Variants in ST7 observed in about 807,000 individuals in gnomAD.
The protein encoded by ST7 is suppressor of tumorigenicity 7 protein.
ST7 carries 28 observed loss-of-function variants against 78.7 expected under a neutral mutation model. That is an observed-to-expected ratio of 0.36 (90% CI 0.26 to 0.49). The LOEUF is 0.49. ST7 is among the 20% of genes least tolerant of loss of function. The pLI, the probability that ST7 is intolerant of heterozygous loss-of-function variation, is 0.99. For synonymous variants in ST7, 247 were observed against 249.6 expected, an observed-to-expected ratio of 0.99 and a Z score of 0.10; for missense variants, 418 against 696.0, an observed-to-expected ratio of 0.60 and a Z score of 4.49.
intron 12 of ST7, among the ~76,000 whole-genome samples, chr7:117,205,124 T>TA (rs1205177370): frequency 6.6e-6 from 1 of 152,168 alleles, no homozygotes; most frequent in African/African-American, 2.4e-5. Context: ...CAAAAGAAGT[T>TA]AATCTCCCAT....
intron 1 of ST7, among the ~76,000 whole-genome samples, chr7:116,961,936 C>G (rs985813833): frequency 6.6e-6 from 1 of 151,254 alleles, no homozygotes; most frequent in Non-Finnish European, 1.5e-5. Flanking sequence ...CCTCCCCTCA[C>G]CCCCCCACCC....
At chr7:117,199,194 G>A (rs1230513069) in intron 12 of ST7, 1 of 152,238 alleles carries the variant, frequency 6.6e-6, no homozygotes, top group Non-Finnish European at 1.5e-5. Flanking sequence ...TGTGTGAGCT[G>A]TGTGGTCAGG....
chr7:117,202,801 T>C (rs984621224), intron 12 of ST7, among the ~76,000 whole-genome samples: 4 of 152,226 alleles, frequency 2.6e-5, no homozygotes, highest in African/African-American at 9.6e-5. Flanking sequence ...CGGACCTCTC[T>C]TGGGTCCCTC....
chr7:116,987,002 G>A (rs1306455507), intron 1 of ST7, among the ~76,000 whole-genome samples: 2 of 152,180 alleles, frequency 1.3e-5, no homozygotes, highest in Non-Finnish European at 2.9e-5. Flanking sequence ...CTTTCACATA[G>A]TCTGCCTATC....
intron 1 of ST7, among the ~76,000 whole-genome samples, chr7:117,056,367 G>A (rs557142995): frequency 1.3e-5 from 2 of 152,178 alleles, no homozygotes; most frequent in African/African-American, 4.8e-5. Context: ...AGGCATGGTG[G>A]CTCATGCCTG....
intron 1 of ST7, among the ~76,000 whole-genome samples, chr7:117,056,366 G>A (rs2428284): frequency 0.1 from 15,448 of 152,124 alleles, 846 homozygotes; most frequent in East Asian, 0.13. Context: ...CAGGCATGGT[G>A]GCTCATGCCT....
intron 1 of ST7, among the ~76,000 whole-genome samples, chr7:116,988,615 C>T (rs548338377): frequency 3.3e-5 from 5 of 152,020 alleles, no homozygotes; most frequent in Non-Finnish European, 5.9e-5. Flanking sequence ...TTTCATTTCT[C>T]GATTTTTGAA....
At chr7:117,014,999 A>G in intron 1 of ST7, 1 of 1,366,180 alleles carries the variant, frequency 7.3e-7, no homozygotes, top group South Asian at 1.9e-5. Flanking sequence ...TTACTGCTTC[A>G]TTATGGATTA....
At chr7:116,992,818 T>G (rs1370533406) in intron 1 of ST7, among the ~76,000 whole-genome samples, 1 of 152,226 alleles carries the variant, frequency 6.6e-6, no homozygotes, top group Non-Finnish European at 1.5e-5. Flanking sequence ...AGCACCCAAG[T>G]CACCCTTGAA....
rs1046811319 is a variant in ST7 at position 117,098,185 on chromosome 7, C to T, written c.152-1577C>T. 1.3e-5 allele frequency among the ~76,000 whole-genome samples: 2 copies of T among 151,508 alleles called. 1 individual carries two copies. The highest frequency in any genetic ancestry group is 4.2e-4 in the South Asian group (2 of 4,758). ...TTATTGAGAGGATGCTTGGGTGGCA[C>T]GAAAGAATGGAACCAGTGTACCCTT... On this transcript the variant is annotated intron_variant, in intron 1 of 15. Transcript: ENST00000323984.
chr7:117,175,103 C>A (rs193569), intron 10 of ST7, among the ~76,000 whole-genome samples: 19,202 of 152,192 alleles, frequency 0.13, 2,278 homozygotes, highest in African/African-American at 0.31. Flanking sequence ...AACTGTCTTC[C>A]AAACATGGCT....
intron 3 of ST7, 45 bp downstream of exon 3, chr7:117,119,765 C>G (rs576364309): frequency 6.3e-7 from 1 of 1,584,536 alleles, no homozygotes; most frequent in Non-Finnish European, 8.6e-7. Flanking sequence ...CTTACTGTTA[C>G]TAAATTATTA....
intron 1 of ST7, among the ~76,000 whole-genome samples, chr7:116,987,622 G>A (rs976950882): frequency 6.6e-6 from 1 of 152,082 alleles, no homozygotes; most frequent in African/African-American, 2.4e-5. Context: ...CCTTTTTATT[G>A]GCTTAGATAC....
chr7:117,082,843 T>C (rs950462216), intron 1 of ST7, among the ~76,000 whole-genome samples: 7 of 152,238 alleles, frequency 4.6e-5, no homozygotes, highest in African/African-American at 1.7e-4. Context: ...GCTGTGTTTA[T>C]AAAATGTATT....
At chr7:117,038,148 T>C (rs1796995804) in intron 1 of ST7, among the ~76,000 whole-genome samples, 1 of 152,186 alleles carries the variant, frequency 6.6e-6, no homozygotes. Context: ...GTACACTAAA[T>C]AAAGGGACCA....
intron 1 of ST7, chr7:116,957,110 G>A (rs1326379096): frequency 3.0e-5 from 5 of 164,668 alleles, no homozygotes; most frequent in Non-Finnish European, 6.5e-5. Context: ...AAGTAAAAAT[G>A]CTTTGAATGC....
At chr7:116,966,165 G>A in intron 1 of ST7, 1 of 407,984 alleles carries the variant, frequency 2.5e-6, no homozygotes, top group Admixed American at 3.0e-5. Flanking sequence ...CATTAAGACA[G>A]TATCTTTTTT....
intron 12 of ST7, among the ~76,000 whole-genome samples, chr7:117,199,515 G>A (rs1810621491): frequency 6.6e-6 from 1 of 152,208 alleles, no homozygotes; most frequent in African/African-American, 2.4e-5. Context: ...TGCCCTAATA[G>A]AATAACCAGG....
chr7:117,164,666 A>G (rs1807403528), intron 9 of ST7, among the ~76,000 whole-genome samples: 1 of 152,220 alleles, frequency 6.6e-6, no homozygotes, highest in Admixed American at 6.5e-5. Flanking sequence ...AACACAATAC[A>G]AAGATGATAC....
Sources: allele counts gnomAD v4.1 joint callset (sites outside exome capture counted in the v4.1 genomes callset), GRCh38; gene constraint gnomAD v4.1.1; transcripts MANE v1.5; gene names NCBI Gene and HGNC (gene_info 2026-07-23, HGNC 2026-07-21).